The following SF1 variants were observed in gnomAD, a reference collection of about 807,000 sequenced individuals.
The protein encoded by SF1 is splicing factor 1.
SF1 carries 7 observed loss-of-function variants against 62.5 expected under a neutral mutation model. The ratio of observed to expected loss-of-function variants is 0.11; its 90% CI spans 0.06 to 0.21. SF1 has a LOEUF of 0.21. Among genes scored for constraint, SF1 ranks in the 10% least tolerant of loss-of-function variants. The probability of loss-of-function intolerance (pLI) is 1.00; values close to 1 mark genes in which losing one functional copy is unlikely to be tolerated. For missense variants in SF1, 578 were observed against 884.0 expected (o/e 0.65, Z 4.39); for synonymous variants, 394 against 323.6 (o/e 1.22, Z -2.33).
At chr11:64,771,801 G>A (rs1938366960) in intron 3 of SF1, 1 of 985,074 alleles carries the variant, frequency 1.0e-6, no homozygotes, top group Non-Finnish European at 1.2e-6. Context: ...TGGCTTAAGT[G>A]ATATAACACC....
Position 64,766,076 on chromosome 11 carries a change from A to G in SF1, c.1662T>C (p.Ser554=). Residue 554 remains serine (S), a synonymous_variant, in exon 13 of 13, where the codon TCT becomes TCC. Coordinates refer to ENST00000377390, the MANE Select transcript of SF1 (RefSeq NM_004630.4). ...WQQQQAAAAA[S]PGAPQMQGNP... is the part of the protein sequence containing the mutation. ...TGCCTTGCATCTGAGGGGCTCCTGGAGAAGCTGCGGCAGCCGCCTGCTGCT... is the reference window on the plus strand; with the variant it reads ...TGCCTTGCATCTGAGGGGCTCCTGGGGAAGCTGCGGCAGCCGCCTGCTGCT... 6.2e-7 allele frequency: 1 copy of G among 1,611,798 alleles called. No individual in the cohort carries two copies. Among genetic ancestry groups the G allele is most frequent in the Non-Finnish European group, 8.5e-7 (1 of 1,179,662 alleles).
Position 64,767,853 on chromosome 11 carries a change from G to A in SF1, c.1069-9C>T, listed in dbSNP as rs1937610907. 1 of 1,605,192 alleles carries A rather than the reference G, an allele frequency of 6.2e-7. No homozygotes were observed. Among genetic ancestry groups the A allele is most frequent in the Non-Finnish European group, 8.5e-7 (1 of 1,177,348 alleles). The stretch of plus-strand genomic sequence containing the variant: ...GTGGTAGACATGAGAGACTACGTGA[G>A]AGCATTTCCTGCCAACGTCCCTGCC... On this transcript the variant is annotated splice_polypyrimidine_tract_variant and intron_variant, in intron 9 of 12. Transcript: ENST00000377390.
intron 1 of SF1, chr11:64,778,139 G>A (rs1257452040): frequency 1.1e-5 from 9 of 846,254 alleles, no homozygotes; most frequent in Non-Finnish European, 1.2e-5. Context: ...CGGTGGAGGC[G>A]GCGGCGGCTG....
chr11:64,773,038 A>T, intron 3 of SF1: 2 of 1,013,548 alleles, frequency 2.0e-6, no homozygotes, highest in Non-Finnish European at 2.4e-6. Flanking sequence ...ATGCTCAAAA[A>T]TATTTTTAGT....
intron 10 of SF1, 148 bp from the exon 11 acceptor site, chr11:64,767,399 A>G (rs1044782728): frequency 1.9e-6 from 2 of 1,031,648 alleles, no homozygotes; most frequent in East Asian, 2.4e-5. Flanking sequence ...ACACAGAATC[A>G]CTCCCTGAAC....
rs1565548581 is a variant in SF1, at chr11:64,765,451, G to A, written c.*367C>T. 1.2e-6 allele frequency: 2 copies of A among 1,609,430 alleles called. No individual in the cohort carries two copies. Among genetic ancestry groups the A allele is most frequent in the Non-Finnish European group, 1.7e-6 (2 of 1,176,048 alleles). ...CGTTGCTGAGGCTGTCTGCCTGGAAGGGTCACCAATGGGCGCGGAAAGTCC... is the reference window on the plus strand; with the variant it reads ...CGTTGCTGAGGCTGTCTGCCTGGAAAGGTCACCAATGGGCGCGGAAAGTCC... On this transcript the variant is annotated 3_prime_UTR_variant, in exon 13 of 13. Transcript: ENST00000377390.
At chr11:64,776,033 ATTTT>A (rs1555147907) in intron 2 of SF1, 69 of 14,238 alleles carry the variant, frequency 4.8e-3, no homozygotes, top group Admixed American at 0.01. Context: ...ACTTTTTGTC[ATTTT>A]TTTTTTTTCA....
chr11:64,770,128 T>C (rs534521615), intron 4 of SF1, 75 bp from the exon 5 acceptor site: 3 of 1,554,166 alleles, frequency 1.9e-6, no homozygotes, highest in South Asian at 2.2e-5. Context: ...AAACCAAATA[T>C]TGGTACCAAG....
At chr11:64,776,767 A>C (rs1939323486) in intron 1 of SF1, 141 bp from the exon 2 acceptor site, 1 of 772,860 alleles carries the variant, frequency 1.3e-6, no homozygotes, top group Non-Finnish European at 2.0e-6. Flanking sequence ...TTAAAAAAAC[A>C]GAAAACAAAC....
At position 64,767,672 on chromosome 11, in the gene SF1, T is replaced by G; in HGVS notation, c.1241A>C (p.Gln414Pro). Residue 414 changes from glutamine to proline, a missense_variant, in exon 10 of 13, where the codon CAG (glutamine) becomes CCG (proline). This residue lies in a region of SF1 where 410 missense variants were observed against 452.4 expected (regional missense o/e 0.91). Coordinates refer to ENST00000377390, the MANE Select transcript of SF1 (RefSeq NM_004630.4). ...GGGTGGGGGTCCATTGGGGTTGTGC[T>G]GCATGGGATGTCCACCATGCCCACC... ...LTGGHGGHPM[Q>P]HNPNGPPPPW... The G allele has an allele frequency of 6.2e-7, 1 of 1,608,850 alleles. No homozygotes were observed. The highest frequency in any genetic ancestry group is 1.3e-5 in the African/African-American group (1 of 74,784).
intron 1 of SF1, chr11:64,778,105 G>T: frequency 1.1e-6 from 1 of 892,642 alleles, no homozygotes; most frequent in Non-Finnish European, 1.4e-6. Context: ...GCGGCGGCGG[G>T]TACGAGGCGC....
In SF1 at chr11:64,765,505, C is replaced by T. The variant is rs747776685; in HGVS notation, c.*313G>A. On this transcript the variant is annotated 3_prime_UTR_variant, in exon 13 of 13. Transcript: ENST00000377390. ...CTCTCATGGCTCGGGCCATCGCCGCCGCGGGGAGGGATCCTGGCGGCCCGG... is the reference window on the plus strand; with the variant it reads ...CTCTCATGGCTCGGGCCATCGCCGCTGCGGGGAGGGATCCTGGCGGCCCGG... 23 of 1,609,656 alleles carry T rather than the reference C, an allele frequency of 1.4e-5. No individual in the cohort carries two copies. The Admixed American group carries it at 2.5e-4, about 18-fold the overall frequency.
chr11:64,778,523 G>GT lies in SF1; in HGVS notation c.-132_-131insA. 1 of 1,208,878 alleles carries GT rather than the reference G, an allele frequency of 8.3e-7. No individual in the cohort carries two copies. Among genetic ancestry groups the GT allele is most frequent in the Non-Finnish European group, 1.0e-6 (1 of 972,716 alleles). 74.9% of individuals were successfully genotyped at this position (1,208,878 alleles called of 1,614,324 possible). A position where few individuals can be genotyped will look rare whatever the true frequency, so the allele number is the denominator to read the frequency against. On this transcript the variant is annotated 5_prime_UTR_variant, in exon 1 of 13. Coordinates refer to ENST00000377390, the MANE Select transcript of SF1 (RefSeq NM_004630.4). ...GAGCCCGTCCTCTCACGCGGCGGGCGGCGGCGGCGCGAGACGCACAAAGAG... is the reference window on the plus strand; with the variant it reads ...GAGCCCGTCCTCTCACGCGGCGGGCGTGCGGCGGCGCGAGACGCACAAAGAG...
intron 9 of SF1, 36 bp downstream of exon 9, chr11:64,768,070 G>A: frequency 1.3e-6 from 2 of 1,586,204 alleles, no homozygotes; most frequent in South Asian, 1.1e-5. Flanking sequence ...TAGAGAATGG[G>A]GAAGCCAGAC....
intron 1 of SF1, chr11:64,777,858 C>A (rs1286641844): frequency 2.1e-6 from 2 of 937,544 alleles, no homozygotes; most frequent in Non-Finnish European, 2.5e-6. Context: ...AGGGGCGCCT[C>A]CGCCCGGGCC....
intron 5 of SF1, 115 bp from the exon 6 acceptor site, chr11:64,769,724 CCCA>C (rs1438975267): frequency 3.0e-6 from 3 of 991,718 alleles, no homozygotes; most frequent in Non-Finnish European, 4.5e-6. Flanking sequence ...ATTGGATTTT[CCCA>C]CCAAGAGCTC....
chr11:64,777,568 G>C (rs992389017), intron 1 of SF1: 1 of 985,328 alleles, frequency 1.0e-6, no homozygotes, highest in Non-Finnish European at 1.2e-6. Flanking sequence ...TCCCATTCTG[G>C]TTCCTCAAGA....
chr11:64,775,493 G>C (rs930024996), intron 2 of SF1, among the ~76,000 whole-genome samples: 1 of 152,174 alleles, frequency 6.6e-6, no homozygotes, highest in African/African-American at 2.4e-5. Flanking sequence ...ACTGTGAAAG[G>C]AGACAGACAA....
In SF1 at chr11:64,766,025, G is replaced by C. The variant is rs775938430; in HGVS notation, c.1713C>G (p.Pro571=). ...QGNPTMVPLP[P]GVQPPLPPGA... ...CAGGCGGCAGAGGCGGCTGGACCCC[G>C]GGGGGCAGGGGCACCATAGTGGGGT... The change falls in exon 13 of 13, where the codon CCC becomes CCG. Residue 571 remains proline, a synonymous_variant. Transcript: ENST00000377390. The C allele has an allele frequency of 2.4e-5, 39 of 1,607,350 alleles. No individual in the cohort carries two copies. Among genetic ancestry groups the C allele is most frequent in the Non-Finnish European group, 3.1e-5 (36 of 1,177,288 alleles).
Sources: gnomAD v4.1 joint callset for allele counts (sites outside exome capture counted in the v4.1 genomes callset) on GRCh38, gnomAD v4.1.1 for gene constraint, gnomAD v4.1.1 regional missense constraint, MANE v1.5 for transcripts, NCBI Gene and HGNC (gene_info 2026-07-23, HGNC 2026-07-21) for gene names.